The following RRP12 variants were observed in gnomAD, a reference collection of about 807,000 sequenced individuals.
RRP12 encodes the protein ribosomal RNA processing 12 homolog.
Under a neutral mutation model 157.3 loss-of-function variants are expected in RRP12, and 78 were observed. The observed-to-expected ratio is 0.50, with a 90% CI of 0.41 to 0.60. The LOEUF is 0.60. Ranked by LOEUF, RRP12 falls within the 20% of genes least tolerant of loss-of-function variation. The pLI is 0.00. For synonymous variants in RRP12, 726 were observed against 670.9 expected, an observed-to-expected ratio of 1.08 and a Z score of -1.27; for missense variants, 1,521 against 1,679.9, an observed-to-expected ratio of 0.91 and a Z score of 1.65.
Position 97,373,119 on chromosome 10 carries a change from G to C in RRP12, c.2108C>G (p.Ala703Gly), listed in dbSNP as rs751939400. Residue 703 changes from alanine to glycine, a missense_variant, in exon 18 of 34, where the codon GCC becomes GGC. Physicochemically the swap from Ala to Gly is moderately conservative, Grantham distance 60. Coordinates refer to ENST00000370992, the MANE Select transcript of RRP12 (RefSeq NM_015179.4). ...LFNLYGQPVA[A>G]GDTPAPRRAV... ...CCGGCGAGGGGCTGGAGTGTCCCCG[G>C]CTGCCACGGGCTGCCCATACAGGTT... The C allele has an allele frequency of 1.2e-6, 2 of 1,614,132 alleles. No individual in the cohort carries two copies.
At chr10:97,398,036 C>CATATACATATATATATATATAT (rs1564772585) in intron 2 of RRP12, among the ~76,000 whole-genome samples, 1 of 35,670 alleles carries the variant, frequency 2.8e-5, no homozygotes, top group Non-Finnish European at 5.1e-5. Flanking sequence ...TATATATATA[C>CATATACATATATATATATATAT]GTATTTTTTT....
intron 29 of RRP12, among the ~76,000 whole-genome samples, chr10:97,364,212 A>C (rs1564748581): frequency 6.6e-6 from 1 of 152,082 alleles, no homozygotes; most frequent in Non-Finnish European, 1.5e-5. Flanking sequence ...TCTGTTTGAG[A>C]TTTGAAGAAA....
intron 18 of RRP12, 51 bp downstream of exon 18, chr10:97,372,995 G>A: frequency 1.3e-6 from 2 of 1,551,476 alleles, no homozygotes; most frequent in African/African-American, 1.4e-5. Context: ...CTCTGACCCT[G>A]CCCACCTGAG....
chr10:97,382,328 A>G (rs1249939818), intron 10 of RRP12, among the ~76,000 whole-genome samples: 1 of 151,934 alleles, frequency 6.6e-6, no homozygotes, highest in East Asian at 1.9e-4. Flanking sequence ...TATTTTTTGT[A>G]GAGACAGGAT....
At chr10:97,361,222 C>T (rs1211033754) in intron 30 of RRP12, among the ~76,000 whole-genome samples, 2 of 152,174 alleles carry the variant, frequency 1.3e-5, no homozygotes, top group Admixed American at 6.5e-5. Context: ...CACGTCAGCT[C>T]GTCAATTATA....
At chr10:97,358,203 C>T (rs1420812996) in intron 33 of RRP12, among the ~76,000 whole-genome samples, 2 of 151,312 alleles carry the variant, frequency 1.3e-5, no homozygotes, top group Non-Finnish European at 2.9e-5. Context: ...CATGGTGGCA[C>T]GCGCCTGTAG....
At chr10:97,367,711 C>A (rs1165736727) in intron 25 of RRP12, among the ~76,000 whole-genome samples, 2 of 152,172 alleles carry the variant, frequency 1.3e-5, no homozygotes, top group African/African-American at 4.8e-5. Context: ...GACTCCCAAA[C>A]CGGCTAGGGG....
intron 27 of RRP12, 37 bp from the exon 28 acceptor site, chr10:97,366,658 G>C (rs1417589572): frequency 6.2e-7 from 1 of 1,601,954 alleles, no homozygotes; most frequent in South Asian, 1.1e-5. Flanking sequence ...GTGCTCCCAG[G>C]AGAGGCGGGG....
At chr10:97,367,606 T>C (rs1181455328) in intron 25 of RRP12, among the ~76,000 whole-genome samples, 2 of 152,182 alleles carry the variant, frequency 1.3e-5, no homozygotes, top group African/African-American at 4.8e-5. Context: ...GTCCCTTCCA[T>C]CTCACTGCAT....
At chr10:97,394,260 G>C (rs557081412) in intron 3 of RRP12, among the ~76,000 whole-genome samples, 1 of 152,064 alleles carries the variant, frequency 6.6e-6, no homozygotes. Context: ...GGAGAATGGC[G>C]TGAACCCAGG....
rs552964212 is a variant in RRP12 at position 97,395,051 on chromosome 10, G to A, written c.453+1167C>T. ...CCAACTACTCAGGAGGCTAAGGCAC[G>A]ATCATCACTTGAACACAGGAGGTGG... On this transcript the variant is annotated intron_variant, in intron 3 of 33. Coordinates refer to ENST00000370992, the MANE Select transcript of RRP12 (RefSeq NM_015179.4). 2.2e-3 allele frequency among the ~76,000 whole-genome samples: 331 copies of A among 152,056 alleles called. 2 individuals are homozygous for A. The highest frequency in any genetic ancestry group is 7.7e-3 in the African/African-American group (321 of 41,472).
At chr10:97,357,910 G>C (rs1564745731) in intron 33 of RRP12, among the ~76,000 whole-genome samples, 1 of 149,660 alleles carries the variant, frequency 6.7e-6, no homozygotes, top group Non-Finnish European at 1.5e-5. Flanking sequence ...AGTAAGCCGA[G>C]ATCGTGCCAC....
At chr10:97,359,900 G>T (rs78871459) in intron 31 of RRP12, among the ~76,000 whole-genome samples, 64 of 152,350 alleles carry the variant, frequency 4.2e-4, no homozygotes, top group Non-Finnish European at 8.2e-4. Flanking sequence ...GATGCTCTAG[G>T]GCTGAGGACA....
At chr10:97,378,940 T>C (rs538742908) in intron 15 of RRP12, among the ~76,000 whole-genome samples, 2 of 152,052 alleles carry the variant, frequency 1.3e-5, no homozygotes, top group Non-Finnish European at 2.9e-5. Context: ...AACAAACATA[T>C]CACAAATTTT....
At chr10:97,358,653 G>A (rs776937383) in intron 32 of RRP12, 34 bp from the exon 33 acceptor site, 1 of 1,544,870 alleles carries the variant, frequency 6.5e-7, no homozygotes, top group Admixed American at 1.7e-5. Context: ...CAGCTAGGAG[G>A]GTGGGGTTCC....
At chr10:97,396,404 C>A in intron 2 of RRP12, 103 bp from the exon 3 acceptor site, 2 of 887,262 alleles carry the variant, frequency 2.3e-6, no homozygotes, top group Non-Finnish European at 1.8e-6. Context: ...GGTTAAAGCC[C>A]AGAGACAGAC....
intron 23 of RRP12, 74 bp downstream of exon 23, chr10:97,370,381 C>A: frequency 7.2e-7 from 1 of 1,381,124 alleles, no homozygotes; most frequent in Non-Finnish European, 1.0e-6. Flanking sequence ...GAGCTCTCCC[C>A]ACCTTTTTTG....
At chr10:97,374,446 A>C (rs554634344) in intron 15 of RRP12, among the ~76,000 whole-genome samples, 10 of 151,050 alleles carry the variant, frequency 6.6e-5, no homozygotes, top group African/African-American at 2.4e-4. Flanking sequence ...ACAGGTGTGC[A>C]ACACTGCACC....
At chr10:97,393,249 C>A in intron 4 of RRP12, 1 of 454,298 alleles carries the variant, frequency 2.2e-6, no homozygotes. Context: ...TTTTCTGCTC[C>A]TCAATAAGGA....
Sources: allele counts gnomAD v4.1 joint callset (sites outside exome capture counted in the v4.1 genomes callset), GRCh38; gene constraint gnomAD v4.1.1; transcripts MANE v1.5; gene names NCBI Gene and HGNC (gene_info 2026-07-23, HGNC 2026-07-21).